Variants in MGAT5B observed in about 807,000 individuals in gnomAD.
MGAT5B encodes the protein N-acetylglucosaminyl-transferase Vb.
Under a neutral mutation model 95.1 loss-of-function variants are expected in MGAT5B, and 54 were observed. The observed-to-expected ratio is 0.57, with a 90% CI of 0.46 to 0.71. The LOEUF (loss-of-function observed/expected upper bound fraction) is 0.71. MGAT5B is among the 30% of genes least tolerant of loss of function. MGAT5B has a pLI of 0.00. For missense variants in MGAT5B, 935 were observed against 1,088.6 expected, an observed-to-expected ratio of 0.86 and a Z score of 1.99; for synonymous variants, 464 against 451.0, an observed-to-expected ratio of 1.03 and a Z score of -0.36.
At chr17:76,928,068 G>A (rs559932153) in intron 10 of MGAT5B, among the ~76,000 whole-genome samples, 3 of 152,212 alleles carry the variant, frequency 2.0e-5, no homozygotes, top group Non-Finnish European at 4.4e-5. Context: ...AATAAGTAAT[G>A]GCATCATTGA....
intron 9 of MGAT5B, among the ~76,000 whole-genome samples, chr17:76,925,699 A>G (rs1371032527): frequency 6.6e-6 from 1 of 152,174 alleles, no homozygotes; most frequent in Admixed American, 6.6e-5. Flanking sequence ...CGAGTTCTCT[A>G]TGCACTCGGC....
At chr17:76,921,561 G>T (rs1409727211) in intron 8 of MGAT5B, among the ~76,000 whole-genome samples, 1 of 152,114 alleles carries the variant, frequency 6.6e-6, no homozygotes, top group Non-Finnish European at 1.5e-5. Context: ...CTCAGCGGGG[G>T]TCCACCTTCC....
intron 8 of MGAT5B, among the ~76,000 whole-genome samples, chr17:76,920,757 A>G (rs1969101050): frequency 6.6e-6 from 1 of 152,112 alleles, no homozygotes; most frequent in Non-Finnish European, 1.5e-5. Context: ...GTGGAAGGCC[A>G]CTGGGCTCAG....
chr17:76,948,940 C>T lies in MGAT5B; in HGVS notation c.*102C>T, dbSNP rs965671166. 3.2e-6 allele frequency: 4 copies of T among 1,250,174 alleles called. No individual in the cohort carries two copies. Among genetic ancestry groups the T allele is most frequent in the Admixed American group, 2.4e-5 (1 of 41,594 alleles). The allele number at this position is 1,250,174 out of a possible 1,614,324, so 77.4% of individuals were successfully genotyped here. A position where few individuals can be genotyped will look rare whatever the true frequency, so the allele number is the denominator to read the frequency against. ...CCCTGGCTGCTTGTCCTCCTCGCAA[C>T]CCCCCCAGGCCGGAGCTTCCTTCCT... On this transcript the variant is annotated 3_prime_UTR_variant, in exon 18 of 18. Coordinates refer to ENST00000569840, the MANE Select transcript of MGAT5B (RefSeq NM_001199172.2).
chr17:76,943,624 G>A (rs75186947), intron 15 of MGAT5B, among the ~76,000 whole-genome samples: 1 of 103,618 alleles, frequency 9.7e-6, no homozygotes, highest in Non-Finnish European at 1.9e-5. Flanking sequence ...GGGGTGGGGT[G>A]GGGGGGGGGT....
At position 76,906,569 on chromosome 17, in the gene MGAT5B, C is replaced by G. The variant is rs550037270; in HGVS notation, c.1025+382C>G. 7.9e-5 allele frequency among the ~76,000 whole-genome samples: 12 copies of G among 152,272 alleles called. No individual in the cohort carries two copies. Among genetic ancestry groups the G allele is most frequent in the African/African-American group, 2.9e-4 (12 of 41,544 alleles). ...TCTGAACCTGGGCTCCTTCTTGGGT[C>G]TACTTTAGGGTCTGGAGACCAGTAA... On this transcript the variant is annotated intron_variant, in intron 8 of 17. Coordinates refer to ENST00000569840, the MANE Select transcript of MGAT5B (RefSeq NM_001199172.2). The surrounding 1 kb of genome is among the most constrained non-coding windows in gnomAD (Gnocchi z 4.6).
At position 76,889,724 on chromosome 17, in the gene MGAT5B, A is replaced by G. The variant is rs1375343564; in HGVS notation, c.329+7426A>G. On this transcript the variant is annotated intron_variant, in intron 3 of 17. Transcript: ENST00000569840. This position sits in a 1 kb window ranked among gnomAD's most constrained non-coding sequence, Gnocchi z 4.4. ...CCCTCTATTGGGCACCAAGCTCACTAGAGCTTGGTGAGGAGGATCCCATCC... is the reference window on the plus strand; with the variant it reads ...CCCTCTATTGGGCACCAAGCTCACTGGAGCTTGGTGAGGAGGATCCCATCC... 2.0e-5 allele frequency among the ~76,000 whole-genome samples: 3 copies of G among 152,186 alleles called. No homozygotes were observed. The highest frequency in any genetic ancestry group is 2.0e-4 in the Admixed American group (3 of 15,280).
At chr17:76,942,337 G>A (rs1415783197) in intron 15 of MGAT5B, among the ~76,000 whole-genome samples, 2 of 152,272 alleles carry the variant, frequency 1.3e-5, no homozygotes, top group African/African-American at 4.8e-5. Flanking sequence ...AGAGCAGCCT[G>A]GCCAACATGG....
At chr17:76,926,449 G>A in intron 9 of MGAT5B, 148 bp from the exon 10 acceptor site, 2 of 735,106 alleles carry the variant, frequency 2.7e-6, no homozygotes, top group South Asian at 3.8e-5. Flanking sequence ...TCACACAGCA[G>A]GGCAGTGTCC....
chr17:76,877,989 A>G (rs1474015216), intron 2 of MGAT5B, among the ~76,000 whole-genome samples: 1 of 152,106 alleles, frequency 6.6e-6, no homozygotes, highest in African/African-American at 2.4e-5. Context: ...GGAAATATGG[A>G]GGGAACGTGT....
Position 76,905,148 on chromosome 17 carries a change from CTGAGGT to C in MGAT5B, c.691-20_691-15del. ...TGGCCGCAGGTTGAGGGGCAGAGAGCTGAGGTCTGGACCCCTCCAGGCAGTTTTCCG... is the reference window on the plus strand; with the variant it reads ...TGGCCGCAGGTTGAGGGGCAGAGAGCCTGGACCCCTCCAGGCAGTTTTCCG... On this transcript the variant is annotated splice_polypyrimidine_tract_variant and intron_variant, in intron 6 of 17. Coordinates refer to ENST00000569840, the MANE Select transcript of MGAT5B (RefSeq NM_001199172.2). This position sits in a 1 kb window ranked among gnomAD's most constrained non-coding sequence, Gnocchi z 4.2. The C allele has an allele frequency of 6.3e-7, 1 of 1,587,950 alleles. No homozygotes were observed. Among genetic ancestry groups the C allele is most frequent in the Non-Finnish European group, 8.6e-7 (1 of 1,161,184 alleles).
intron 15 of MGAT5B, among the ~76,000 whole-genome samples, chr17:76,945,361 C>T (rs1031683014): frequency 7.2e-5 from 11 of 152,196 alleles, no homozygotes; most frequent in African/African-American, 2.7e-4. Flanking sequence ...GCAGTCTCAG[C>T]TCACTGCAAC....
At position 76,937,842 on chromosome 17, in the gene MGAT5B, G is replaced by T. The variant is rs530194275; in HGVS notation, c.1429-146G>T. 4 of 850,352 alleles carry T rather than the reference G, an allele frequency of 4.7e-6. No individual in the cohort carries two copies. The African/African-American group carries it at 5.1e-5, about 11-fold the overall frequency. The allele number at this position is 850,352 out of a possible 1,614,324, so 52.7% of individuals were successfully genotyped here. A position where few individuals can be genotyped will look rare whatever the true frequency, so the allele number is the denominator to read the frequency against. On this transcript the variant is annotated intron_variant, in intron 12 of 17. Coordinates refer to ENST00000569840, the MANE Select transcript of MGAT5B (RefSeq NM_001199172.2). Reference sequence around the variant, plus strand: ...GTTTTCAGGGCCAGAGAGGGGCGGGGCCTTTCCCAGTGTCCCACAGCCAGT... The same window carrying T: ...GTTTTCAGGGCCAGAGAGGGGCGGGTCCTTTCCCAGTGTCCCACAGCCAGT...
At chr17:76,888,778 A>G (rs895980372) in intron 3 of MGAT5B, among the ~76,000 whole-genome samples, 4 of 152,160 alleles carry the variant, frequency 2.6e-5, no homozygotes, top group Admixed American at 6.5e-5. Flanking sequence ...GCCACTGGCC[A>G]CCTGCGGAAC....
At chr17:76,932,835 G>A in intron 11 of MGAT5B, 60 bp downstream of exon 11, 1 of 1,589,218 alleles carries the variant, frequency 6.3e-7, no homozygotes, top group Non-Finnish European at 8.5e-7. Context: ...CCCCGCCTGG[G>A]TCCCGCATCT....
chr17:76,947,804 C>G, intron 16 of MGAT5B, 26 bp from the exon 17 acceptor site: 1 of 1,523,876 alleles, frequency 6.6e-7, no homozygotes, highest in African/African-American at 1.4e-5. Context: ...CACTTCCCCA[C>G]CCTGACACTG....
chr17:76,947,416 G>A (rs545332363), intron 16 of MGAT5B, among the ~76,000 whole-genome samples: 1 of 152,110 alleles, frequency 6.6e-6, no homozygotes, highest in East Asian at 1.9e-4. Context: ...GGGGCCCTCC[G>A]GCCCCTGGAG....
Position 76,946,802 on chromosome 17 carries a change from A to G in MGAT5B, c.1923+352A>G, listed in dbSNP as rs528102313. ...AACTGAATGGGAAGTGAAGATCCCC[A>G]GACTCTCCGCCCACCTGCTAAGGAT... On this transcript the variant is annotated intron_variant, in intron 16 of 17. Transcript: ENST00000569840. 1.1e-4 allele frequency among the ~76,000 whole-genome samples: 16 copies of G among 152,364 alleles called. No homozygotes were observed. In the South Asian group the frequency reaches 3.3e-3, roughly 32 times the overall value.
intron 15 of MGAT5B, among the ~76,000 whole-genome samples, chr17:76,941,853 G>A (rs1969871283): frequency 6.6e-6 from 1 of 152,222 alleles, no homozygotes; most frequent in South Asian, 2.1e-4. Context: ...TCACCACGGG[G>A]GCCTCTGCAA....
Sources: gnomAD v4.1 joint callset for allele counts (sites outside exome capture counted in the v4.1 genomes callset) on GRCh38, gnomAD v4.1.1 for gene constraint, Gnocchi (gnomAD v3.1) non-coding constraint, MANE v1.5 for transcripts, NCBI Gene and HGNC (gene_info 2026-07-23, HGNC 2026-07-21) for gene names.